Variants in AOPEP observed in about 807,000 individuals in gnomAD.
AOPEP encodes aminopeptidase O.
A neutral mutation model predicts 98.1 loss-of-function variants in AOPEP; 77 were observed. The ratio of observed to expected loss-of-function variants is 0.78; its 90% CI spans 0.65 to 0.95. AOPEP has a LOEUF of 0.95. Among genes scored for constraint, AOPEP ranks in the 40% least tolerant of loss-of-function variants. The probability of loss-of-function intolerance (pLI) is 0.00; values close to 1 mark genes in which losing one functional copy is unlikely to be tolerated. For missense variants in AOPEP, 1,024 were observed against 1,024.7 expected, an observed-to-expected ratio of 1.00 and a Z score of 0.01; for synonymous variants, 346 against 365.3, an observed-to-expected ratio of 0.95 and a Z score of 0.60.
At position 94,835,503 on chromosome 9, in the gene AOPEP, T is replaced by C. The variant is rs2041482652; in HGVS notation, c.1364+34501T>C. On this transcript the variant is annotated intron_variant, in intron 5 of 16. Transcript: ENST00000375315. ...ACCATCAAATAATAACCTCTATTTT[T>C]TTCTCCTTTAAAAGAAGTTGAACTT... is the stretch of plus-strand genomic sequence containing the variant. Among the ~76,000 whole-genome samples, 5 of 152,210 alleles carry C rather than the reference T, an allele frequency of 3.3e-5. No individual in the cohort carries two copies. In the South Asian group the frequency reaches 1.0e-3, roughly 32 times the overall value.
At chr9:94,861,020 G>A (rs540095578) in intron 5 of AOPEP, among the ~76,000 whole-genome samples, 1 of 152,292 alleles carries the variant, frequency 6.6e-6, no homozygotes, top group South Asian at 2.1e-4. Context: ...GTTTCTTTCA[G>A]CTTCAGTGTG....
chr9:94,890,312 C>T (rs1193497137), intron 5 of AOPEP, among the ~76,000 whole-genome samples: 2 of 152,044 alleles, frequency 1.3e-5, no homozygotes, highest in Non-Finnish European at 2.9e-5. Context: ...AAGCAATTCT[C>T]CTGCCTCAGC....
At chr9:94,797,028 G>A (rs1275735658) in intron 4 of AOPEP, among the ~76,000 whole-genome samples, 1 of 152,210 alleles carries the variant, frequency 6.6e-6, no homozygotes, top group African/African-American at 2.4e-5. Context: ...AGAAGAATCT[G>A]GTGGGGAACA....
At chr9:94,822,461 A>G (rs1853461582) in intron 5 of AOPEP, among the ~76,000 whole-genome samples, 2 of 152,222 alleles carry the variant, frequency 1.3e-5, no homozygotes, top group Admixed American at 6.5e-5. Flanking sequence ...CTCCCTGCAC[A>G]GCCTAATTCC....
chr9:94,783,836 T>C (rs766107401), intron 3 of AOPEP, among the ~76,000 whole-genome samples: 8 of 152,120 alleles, frequency 5.3e-5, no homozygotes, highest in Non-Finnish European at 5.9e-5. Flanking sequence ...TCCAAAGTAA[T>C]CATAACATAT....
chr9:94,965,660 T>C (rs1406170658), intron 9 of AOPEP, among the ~76,000 whole-genome samples: 1 of 152,178 alleles, frequency 6.6e-6, no homozygotes, highest in Non-Finnish European at 1.5e-5. Flanking sequence ...TCTGCAGACT[T>C]GGTTCTATTG....
chr9:94,736,062 T>C (rs562562003), intron 1 of AOPEP, among the ~76,000 whole-genome samples: 1 of 152,372 alleles, frequency 6.6e-6, no homozygotes, highest in Non-Finnish European at 1.5e-5. Flanking sequence ...TGTTGATCCA[T>C]TCATCAGTTG....
chr9:94,827,699 A>G (rs1327215898), intron 5 of AOPEP, among the ~76,000 whole-genome samples: 1 of 152,130 alleles, frequency 6.6e-6, no homozygotes, highest in East Asian at 1.9e-4. Flanking sequence ...TAGGACATTG[A>G]GCAAGCCAGA....
chr9:94,926,752 TG>T lies in AOPEP; in HGVS notation c.1555-1670del, dbSNP rs553212325. ...GGGTCACCGGGGTCACTTTGCTGCC[TG>T]GGAGACTGTGCTCTGCAGCACTGAG... On this transcript the variant is annotated intron_variant, in intron 6 of 16. Transcript: ENST00000375315. Among the ~76,000 whole-genome samples, 5 of 140,576 alleles carry T rather than the reference TG, an allele frequency of 3.6e-5. No homozygotes were observed. In the South Asian group the frequency reaches 9.4e-4, roughly 27 times the overall value. The allele number at this position is 140,576 out of a possible 152,430, so 92.2% of individuals were successfully genotyped here.
At chr9:94,847,498 T>G (rs1385321306) in intron 5 of AOPEP, among the ~76,000 whole-genome samples, 1 of 152,250 alleles carries the variant, frequency 6.6e-6, no homozygotes, top group African/African-American at 2.4e-5. Flanking sequence ...TACTTCTTTA[T>G]TCTGTCAATA....
At chr9:95,137,233 A>G in the AOPEP span, among the ~76,000 whole-genome samples, 3 of 152,044 alleles carry the variant, frequency 2.0e-5, no homozygotes, top group Admixed American at 6.6e-5. Flanking sequence ...ACATGGGGAG[A>G]GCAGTTCCTA....
intron 11 of AOPEP, among the ~76,000 whole-genome samples, chr9:95,002,985 GT>G (rs1202576992): frequency 6.6e-6 from 1 of 152,194 alleles, no homozygotes; most frequent in African/African-American, 2.4e-5. Context: ...ACAGTAGGCT[GT>G]TTCCTTTGTT....
intron 5 of AOPEP, among the ~76,000 whole-genome samples, chr9:94,864,492 G>C (rs955028877): frequency 1.3e-5 from 2 of 152,168 alleles, no homozygotes; most frequent in Non-Finnish European, 2.9e-5. Flanking sequence ...CCATTCATAA[G>C]AGGATTTATT....
intron 11 of AOPEP, among the ~76,000 whole-genome samples, chr9:95,001,040 C>T (rs1019315569): frequency 6.6e-6 from 1 of 152,168 alleles, no homozygotes; most frequent in African/African-American, 2.4e-5. Context: ...GCCCTGTGGC[C>T]TTCCTGGTGC....
intron 11 of AOPEP, among the ~76,000 whole-genome samples, chr9:94,986,538 A>C (rs1403582850): frequency 1.3e-5 from 2 of 152,180 alleles, no homozygotes; most frequent in African/African-American, 4.8e-5. Flanking sequence ...CTATGGATGA[A>C]TATGCTTTGG....
At chr9:94,947,423 G>A (rs1447482479) in intron 7 of AOPEP, among the ~76,000 whole-genome samples, 3 of 152,092 alleles carry the variant, frequency 2.0e-5, no homozygotes, top group Non-Finnish European at 2.9e-5. Context: ...GACTACAGGC[G>A]AGCACTACCA....
chr9:95,142,287 C>T, the AOPEP span, among the ~76,000 whole-genome samples: 3,434 of 152,062 alleles, frequency 0.023, 143 homozygotes, highest in African/African-American at 0.079. Context: ...GCCACCGTGC[C>T]CGGCCACCAA....
chr9:94,798,230 C>G (rs1452949442), intron 4 of AOPEP, among the ~76,000 whole-genome samples: 2 of 152,172 alleles, frequency 1.3e-5, no homozygotes, highest in Admixed American at 1.3e-4. Flanking sequence ...GAGCCTTACC[C>G]TTCTCACCTG....
intron 5 of AOPEP, among the ~76,000 whole-genome samples, chr9:94,922,206 C>T (rs1223712778): frequency 1.3e-5 from 2 of 152,218 alleles, no homozygotes; most frequent in Non-Finnish European, 2.9e-5. Flanking sequence ...GAGGCTTCCA[C>T]ACTGGGACAG....
Sources: gnomAD v4.1 joint callset for allele counts (sites outside exome capture counted in the v4.1 genomes callset) on GRCh38, gnomAD v4.1.1 for gene constraint, MANE v1.5 for transcripts, NCBI Gene and HGNC (gene_info 2026-07-23, HGNC 2026-07-21) for gene names.